The following ZNF267 variants were observed in gnomAD, a reference collection of about 807,000 sequenced individuals.
ZNF267 encodes the protein zinc finger (C2H2).
Under a neutral mutation model 71.6 loss-of-function variants are expected in ZNF267, and 61 were observed. That is an observed-to-expected ratio of 0.85 (90% CI 0.69 to 1.05). The LOEUF (loss-of-function observed/expected upper bound fraction) is 1.05. Among genes scored for constraint, ZNF267 ranks in the 50% least tolerant of loss-of-function variants. The pLI is 0.00. For synonymous variants in ZNF267, 288 were observed against 293.2 expected, an observed-to-expected ratio of 0.98 and a Z score of 0.18; for missense variants, 852 against 870.0, an observed-to-expected ratio of 0.98 and a Z score of 0.26.
intron 3 of ZNF267, among the ~76,000 whole-genome samples, chr16:31,891,541 A>C (rs1024326133): frequency 6.6e-6 from 1 of 152,120 alleles, no homozygotes; most frequent in Non-Finnish European, 1.5e-5. Context: ...ATGCTGTGGG[A>C]GGGACCCAAT....
At chr16:31,884,424 G>T (rs2083909593) in intron 1 of ZNF267, 74 bp from the exon 2 acceptor site, 1 of 1,595,758 alleles carries the variant, frequency 6.3e-7, no homozygotes, top group Admixed American at 1.7e-5. Flanking sequence ...ACCAATAACT[G>T]TCATTTCATC....
At chr16:31,912,364 A>G (rs2084141805) in intron 3 of ZNF267, 1 of 151,728 alleles carries the variant, frequency 6.6e-6, no homozygotes, top group African/African-American at 2.4e-5. Flanking sequence ...TAAATATGTC[A>G]TGCTATTCTC....
At position 31,916,233 on chromosome 16, in the gene ZNF267, T is replaced by C; in HGVS notation, c.1984T>C (p.Cys662Arg). ...TCATACTGGAGAGAGACCCTACAAA[T>C]GTGAAGAATGTGGCAAAGCCTTCAA... ...RSHTGERPYK[C>R]EECGKAFNSR... The change falls in exon 4 of 4, where the codon TGT (cysteine) becomes CGT (arginine). Residue 662 changes from cysteine to arginine, a missense_variant. Physicochemically the swap from Cys to Arg is radical, Grantham distance 180 (BLOSUM62 -3). Transcript: ENST00000300870. 1 of 1,614,118 alleles carries C rather than the reference T, an allele frequency of 6.2e-7. No homozygotes were observed. The highest frequency in any genetic ancestry group is 8.5e-7 in the Non-Finnish European group (1 of 1,180,004).
At chr16:31,899,939 A>G (rs141184909) in intron 3 of ZNF267, among the ~76,000 whole-genome samples, 2 of 152,272 alleles carry the variant, frequency 1.3e-5, no homozygotes, top group East Asian at 3.9e-4. Context: ...CCTTTTTAGA[A>G]ATTAATCTAG....
chr16:31,894,156 C>T (rs192636445), intron 3 of ZNF267, among the ~76,000 whole-genome samples: 1 of 152,334 alleles, frequency 6.6e-6, no homozygotes, highest in East Asian at 1.9e-4. Flanking sequence ...CCTTTTGGGC[C>T]ATGGCTTTAT....
chr16:31,915,670 C>T lies in ZNF267; in HGVS notation c.1421C>T (p.Ala474Val), dbSNP rs1017105248. 1 of 1,613,798 alleles carries T rather than the reference C, an allele frequency of 6.2e-7. No homozygotes were observed. Among genetic ancestry groups the T allele is most frequent in the Non-Finnish European group, 8.5e-7 (1 of 1,179,942 alleles). Reference protein sequence around the residue: ...YKCKVCSKSYARSSNLIMHQR... With the variant: ...YKCKVCSKSYVRSSNLIMHQR... ...TGTAAAGTATGTAGCAAATCTTATG[C>T]TCGTTCTTCAAATCTTATTATGCAT... Residue 474 changes from alanine to valine, a missense_variant, in exon 4 of 4, where the codon GCT becomes GTT. Ala to Val is a moderately conservative substitution (Grantham distance 64). Coordinates refer to ENST00000300870, the MANE Select transcript of ZNF267 (RefSeq NM_003414.6).
chr16:31,895,974 A>T (rs552982604), intron 3 of ZNF267, among the ~76,000 whole-genome samples: 34 of 152,130 alleles, frequency 2.2e-4, no homozygotes, highest in Non-Finnish European at 4.0e-4. Flanking sequence ...TTAGTAGGAT[A>T]TAATTATATT....
In ZNF267 at chr16:31,915,005, C is replaced by T; in HGVS notation, c.756C>T (p.Val252=). 1 of 1,609,048 alleles carries T rather than the reference C, an allele frequency of 6.2e-7. No individual in the cohort carries two copies. Among genetic ancestry groups the T allele is most frequent in the Non-Finnish European group, 8.5e-7 (1 of 1,178,678 alleles). Reference sequence around the variant, plus strand: ...ACAAATGTAAAGAATTTGAGGAAGTCTTTCTTCAGAGTATGCATGGGCAAG... The same window carrying T: ...ACAAATGTAAAGAATTTGAGGAAGTTTTTCTTCAGAGTATGCATGGGCAAG... ...KQYKCKEFEE[V]FLQSMHGQEK... The change falls in exon 4 of 4, where the codon GTC becomes GTT. Residue 252 remains valine, a synonymous_variant. Coordinates refer to ENST00000300870, the MANE Select transcript of ZNF267 (RefSeq NM_003414.6).
At chr16:31,874,949 C>T (rs1400423405) in intron 1 of ZNF267, among the ~76,000 whole-genome samples, 2 of 152,182 alleles carry the variant, frequency 1.3e-5, no homozygotes, top group Non-Finnish European at 2.9e-5. Flanking sequence ...ATCATGATTT[C>T]ACAGAGCAGT....
intron 1 of ZNF267, chr16:31,874,306 G>C (rs2083836540): frequency 3.6e-6 from 1 of 279,638 alleles, no homozygotes; most frequent in South Asian, 9.5e-5. Context: ...GGTTCGGTGT[G>C]TGGGAAGAAA....
At chr16:31,914,313 T>G in intron 3 of ZNF267, 163 bp from the exon 4 acceptor site, 1 of 624,686 alleles carries the variant, frequency 1.6e-6, no homozygotes, top group Non-Finnish European at 2.6e-6. Context: ...ACGTGCCACT[T>G]TATTGTAGTA....
Position 31,914,765 on chromosome 16 carries a change from A to C in ZNF267, c.516A>C (p.Ser172=). ...AATATAGGAAGGTCTTTACTCATTC[A>C]TCATTGCTTAATCAACAAGAGGAAA... is the stretch of plus-strand genomic sequence containing the variant. ...FDQYRKVFTH[S]SLLNQQEEID... Residue 172 remains serine (S), a synonymous_variant, in exon 4 of 4, where the codon TCA becomes TCC. Coordinates refer to ENST00000300870, the MANE Select transcript of ZNF267 (RefSeq NM_003414.6). 1 of 1,613,836 alleles carries C rather than the reference A, an allele frequency of 6.2e-7. No homozygotes were observed. Among genetic ancestry groups the C allele is most frequent in the East Asian group, 2.2e-5 (1 of 44,850 alleles).
In ZNF267 at chr16:31,873,851, C is replaced by T; in HGVS notation, c.-116C>T. On this transcript the variant is annotated 5_prime_UTR_variant, in exon 1 of 4. Coordinates refer to ENST00000300870, the MANE Select transcript of ZNF267 (RefSeq NM_003414.6). ...TCGCCACAGCTCCGAGTCTTTCGTT[C>T]TGGGAGGCCCAGGCGGCTTCGCGTT... The T allele has an allele frequency of 6.9e-7, 1 of 1,441,564 alleles. No individual in the cohort carries two copies. The highest frequency in any genetic ancestry group is 2.3e-5 in the East Asian group (1 of 43,406). The allele number at this position is 1,441,564 out of a possible 1,614,324, so 89.3% of individuals were successfully genotyped here. A position where few individuals can be genotyped will look rare whatever the true frequency, so the allele number is the denominator to read the frequency against.
Position 31,914,767 on chromosome 16 carries a change from C to T in ZNF267, c.518C>T (p.Ser173Leu), listed in dbSNP as rs2084160615. ...TATAGGAAGGTCTTTACTCATTCAT[C>T]ATTGCTTAATCAACAAGAGGAAATA... ...DQYRKVFTHS[S>L]LLNQQEEIDI... Residue 173 changes from serine (S) to leucine (L), a missense_variant, in exon 4 of 4, where the codon TCA becomes TTA. Physicochemically the swap from Ser to Leu is moderately radical, Grantham distance 145. Coordinates refer to ENST00000300870, the MANE Select transcript of ZNF267 (RefSeq NM_003414.6). 6 of 1,613,760 alleles carry T rather than the reference C, an allele frequency of 3.7e-6. No homozygotes were observed. Among genetic ancestry groups the T allele is most frequent in the Non-Finnish European group, 5.1e-6 (6 of 1,179,924 alleles).
intron 3 of ZNF267, among the ~76,000 whole-genome samples, chr16:31,902,910 T>C (rs8062514): frequency 0.86 from 131,072 of 151,636 alleles, 58,708 homozygotes; most frequent in East Asian, 1. Context: ...GTCCATTCAG[T>C]GTGATATTGG....
chr16:31,874,096 TG>T, intron 1 of ZNF267, 127 bp downstream of exon 1: 1 of 1,077,562 alleles, frequency 9.3e-7, no homozygotes, highest in Middle Eastern at 2.4e-4. Context: ...GAGTCCCAAC[TG>T]GTGCAGCTCG....
intron 1 of ZNF267, among the ~76,000 whole-genome samples, chr16:31,881,616 C>CA (rs1214308686): frequency 6.6e-6 from 1 of 151,766 alleles, no homozygotes; most frequent in East Asian, 1.9e-4. Flanking sequence ...CACAAGTTGT[C>CA]ACAAAGTCAG....
intron 1 of ZNF267, among the ~76,000 whole-genome samples, chr16:31,881,598 A>G (rs11645176): frequency 0.065 from 9,838 of 152,010 alleles, 592 homozygotes; most frequent in East Asian, 0.31. Context: ...CAGATCCAGT[A>G]GTTGCTTCAC....
At chr16:31,894,698 G>A in intron 3 of ZNF267, 1 of 478,716 alleles carries the variant, frequency 2.1e-6, no homozygotes, top group Non-Finnish European at 4.2e-6. Flanking sequence ...TACCGCTCAT[G>A]CCTGGAGACA....
Sources: gnomAD v4.1 joint callset for allele counts (sites outside exome capture counted in the v4.1 genomes callset) on GRCh38, gnomAD v4.1.1 for gene constraint, MANE v1.5 for transcripts, NCBI Gene and HGNC (gene_info 2026-07-23, HGNC 2026-07-21) for gene names.